The following MAB21L3 variants were observed in gnomAD, a reference collection of about 807,000 sequenced individuals.
The protein encoded by MAB21L3 is mab-21 like 3, also known as protein mab-21-like 3.
Under a neutral mutation model 37.7 loss-of-function variants are expected in MAB21L3, and 36 were observed. The observed-to-expected ratio is 0.96, with a 90% CI of 0.73 to 1.26. The LOEUF (loss-of-function observed/expected upper bound fraction) is 1.26, where lower values mean the gene tolerates loss of function less well. Ranked by LOEUF, MAB21L3 falls within the 50% of genes most tolerant of loss-of-function variation. The probability of loss-of-function intolerance (pLI) is 0.00; values close to 1 mark genes in which losing one functional copy is unlikely to be tolerated. For missense variants in MAB21L3, 430 were observed against 447.3 expected, an observed-to-expected ratio of 0.96 and a Z score of 0.35; for synonymous variants, 186 against 176.8, an observed-to-expected ratio of 1.05 and a Z score of -0.41.
chr1:116,127,470 G>A lies in MAB21L3; in HGVS notation c.486G>A (p.Lys162=). The change falls in exon 6 of 8, where the codon AAG becomes AAA. Residue 162 remains lysine, a synonymous_variant. Coordinates refer to ENST00000369500, the MANE Select transcript of MAB21L3 (RefSeq NM_152367.3). Reference sequence around the variant, plus strand: ...CATTTGGTCATTTCCCACCAGGTAAGGTCAGCCTGCTAGGAAACCGCTCTG... The same window carrying A: ...CATTTGGTCATTTCCCACCAGGTAAAGTCAGCCTGCTAGGAAACCGCTCTG... ...NAVRTCHLSG[K]VSLLGNRSAV... The A allele has an allele frequency of 6.2e-7, 1 of 1,613,538 alleles. No individual in the cohort carries two copies.
At chr1:116,113,481 C>G (rs1659485382) in intron 3 of MAB21L3, among the ~76,000 whole-genome samples, 2 of 152,134 alleles carry the variant, frequency 1.3e-5, no homozygotes. Context: ...GAGATATTGG[C>G]TGGCATTTTT....
chr1:116,125,896 C>A (rs920859953), intron 5 of MAB21L3, among the ~76,000 whole-genome samples: 4 of 140,914 alleles, frequency 2.8e-5, no homozygotes, highest in Non-Finnish European at 6.4e-5. Context: ...GGCCGGCAGG[C>A]TGGCTGCAGC....
chr1:116,117,672 T>A (rs148131275), intron 3 of MAB21L3, among the ~76,000 whole-genome samples: 2 of 152,180 alleles, frequency 1.3e-5, no homozygotes, highest in African/African-American at 4.8e-5. Context: ...TCTTTACTCA[T>A]GCACCTAAAC....
chr1:116,118,219 T>TA (rs1415085525), intron 3 of MAB21L3, among the ~76,000 whole-genome samples: 3 of 151,952 alleles, frequency 2.0e-5, no homozygotes, highest in Non-Finnish European at 2.9e-5. Context: ...CCGTCTCTAC[T>TA]AAAAATACAA....
rs1660181626 is a variant in MAB21L3 at position 116,135,432 on chromosome 1, A to C, written c.*2067A>C. On this transcript the variant is annotated 3_prime_UTR_variant, in exon 8 of 8. Transcript: ENST00000369500. ...ACTCTCCCAAGACTAAACCAGGAAG[A>C]AGTTGAATCTCTGAATAGACCAATA... Among the ~76,000 whole-genome samples, 2 of 152,146 alleles carry C rather than the reference A, an allele frequency of 1.3e-5. No individual in the cohort carries two copies. Among genetic ancestry groups the C allele is most frequent in the Admixed American group, 1.3e-4 (2 of 15,282 alleles).
chr1:116,135,929 C>CA lies in MAB21L3; in HGVS notation c.*2564_*2565insA, dbSNP rs1177256979. 6.5e-4 allele frequency among the ~76,000 whole-genome samples: 98 copies of CA among 151,436 alleles called. No homozygotes were observed. Among genetic ancestry groups the CA allele is most frequent in the South Asian group, 4.2e-4 (2 of 4,786 alleles). On this transcript the variant is annotated 3_prime_UTR_variant, in exon 8 of 8. Transcript: ENST00000369500. ...AAAGGCCTTTGACAAAATTCAACAA[C>CA]CTTCATGCTAAAAACTCTCAATAAA...
intron 4 of MAB21L3, among the ~76,000 whole-genome samples, chr1:116,122,759 G>T (rs1192731035): frequency 6.6e-6 from 1 of 152,050 alleles, no homozygotes; most frequent in Non-Finnish European, 1.5e-5. Flanking sequence ...TGTAGAGATG[G>T]ATTTCATCAT....
At chr1:116,125,587 T>C (rs570811128) in intron 5 of MAB21L3, among the ~76,000 whole-genome samples, 1 of 150,330 alleles carries the variant, frequency 6.7e-6, no homozygotes, top group South Asian at 2.1e-4. Context: ...AATATGAGAT[T>C]CCATCTGTGT....
In MAB21L3 at chr1:116,122,273, C is replaced by A. The variant is rs886250669; in HGVS notation, c.189+1201C>A. 2.0e-5 allele frequency among the ~76,000 whole-genome samples: 3 copies of A among 152,200 alleles called. No homozygotes were observed. In the East Asian group the frequency reaches 5.8e-4, roughly 29 times the overall value. ...CCAGGGTGAAAATTATAAAACCAGA[C>A]TGAATCCTGGAATGCTAGAATATCA... On this transcript the variant is annotated intron_variant, in intron 4 of 7. Transcript: ENST00000369500.
intron 7 of MAB21L3, among the ~76,000 whole-genome samples, chr1:116,128,749 A>G (rs1338148804): frequency 3.9e-5 from 6 of 152,142 alleles, no homozygotes; most frequent in Admixed American, 3.9e-4. Flanking sequence ...TGTTTGCGCC[A>G]GTCTTTAAAC....
At chr1:116,113,833 C>T (rs1433528211) in intron 3 of MAB21L3, among the ~76,000 whole-genome samples, 1 of 152,180 alleles carries the variant, frequency 6.6e-6, no homozygotes, top group Non-Finnish European at 1.5e-5. Context: ...AGCCAGAGCA[C>T]GTGCTGGCCA....
Position 116,133,671 on chromosome 1 carries a change from A to G in MAB21L3, c.*306A>G. On this transcript the variant is annotated 3_prime_UTR_variant, in exon 8 of 8. Coordinates refer to ENST00000369500, the MANE Select transcript of MAB21L3 (RefSeq NM_152367.3). ...GTTCTGAACTTAGTTTCCCTTGTTC[A>G]GGCTGTGATCGTCTCACAGTGAAGA... 1 of 447,286 alleles carries G rather than the reference A, an allele frequency of 2.2e-6. No individual in the cohort carries two copies. Among genetic ancestry groups the G allele is most frequent in the Non-Finnish European group, 4.1e-6 (1 of 244,140 alleles). The allele number at this position is 447,286 out of a possible 1,614,324, so 27.7% of individuals were successfully genotyped here.
At chr1:116,118,011 A>G (rs1659640608) in intron 3 of MAB21L3, among the ~76,000 whole-genome samples, 2 of 151,798 alleles carry the variant, frequency 1.3e-5, no homozygotes, top group South Asian at 4.2e-4. Flanking sequence ...CAGCATTTAA[A>G]CATGTTTACA....
intron 7 of MAB21L3, among the ~76,000 whole-genome samples, chr1:116,128,667 T>A (rs561196511): frequency 3.0e-4 from 45 of 152,226 alleles, no homozygotes; most frequent in African/African-American, 9.4e-4. Context: ...GCTCACTAGG[T>A]GCCAGAAACC....
intron 4 of MAB21L3, among the ~76,000 whole-genome samples, chr1:116,121,320 G>A (rs976112632): frequency 2.0e-5 from 3 of 152,128 alleles, no homozygotes; most frequent in African/African-American, 7.2e-5. Flanking sequence ...GAGGCCAAGA[G>A]TTTGAGACCA....
chr1:116,124,021 G>C (rs375920723), intron 4 of MAB21L3, 45 bp from the exon 5 acceptor site: 10 of 1,548,390 alleles, frequency 6.5e-6, no homozygotes, highest in African/African-American at 1.4e-5. Context: ...GTTACCTCCC[G>C]AATCTGTGAA....
In MAB21L3 at chr1:116,137,345, C is replaced by T. The variant is rs1201902733; in HGVS notation, c.*3980C>T. Among the ~76,000 whole-genome samples, 2 of 123,390 alleles carry T rather than the reference C, an allele frequency of 1.6e-5. No homozygotes were observed. Among genetic ancestry groups the T allele is most frequent in the Non-Finnish European group, 3.1e-5 (2 of 64,964 alleles). The allele number at this position is 123,390 out of a possible 152,430, so 80.9% of individuals were successfully genotyped here. ...TGAACAGACACTTCTCAAAAGAAGACATTTATGCAGCCAAAAATCACATGA... is the reference window on the plus strand; with the variant it reads ...TGAACAGACACTTCTCAAAAGAAGATATTTATGCAGCCAAAAATCACATGA... On this transcript the variant is annotated 3_prime_UTR_variant, in exon 8 of 8. Coordinates refer to ENST00000369500, the MANE Select transcript of MAB21L3 (RefSeq NM_152367.3).
intron 5 of MAB21L3, among the ~76,000 whole-genome samples, chr1:116,126,183 G>T (rs568350674): frequency 7.8e-4 from 119 of 152,250 alleles, no homozygotes; most frequent in African/African-American, 2.7e-3. Flanking sequence ...TCTATTTCAA[G>T]AATTGGGATG....
chr1:116,124,030 A>T (rs1004380173), intron 4 of MAB21L3, 36 bp from the exon 5 acceptor site: 2 of 1,557,064 alleles, frequency 1.3e-6, no homozygotes, highest in Non-Finnish European at 1.7e-6. Context: ...CGAATCTGTG[A>T]ATTCATGCTT....
Sources: gnomAD v4.1 joint callset for allele counts (sites outside exome capture counted in the v4.1 genomes callset) on GRCh38, gnomAD v4.1.1 for gene constraint, MANE v1.5 for transcripts, NCBI Gene and HGNC (gene_info 2026-07-23, HGNC 2026-07-21) for gene names.